Variants in DST observed in about 807,000 individuals in gnomAD.
The protein encoded by DST is dystonin.
In DST, 253 loss-of-function variants were observed where a neutral mutation model predicts 875.2. The observed-to-expected ratio is 0.29, with a 90% CI of 0.26 to 0.32. The LOEUF (loss-of-function observed/expected upper bound fraction) is 0.32, where lower values mean the gene tolerates loss of function less well. DST is among the 10% of genes least tolerant of loss of function. DST has a pLI of 1.00. For missense variants in DST, 8,287 were observed against 9,111.6 expected, an observed-to-expected ratio of 0.91 and a Z score of 3.68; for synonymous variants, 3,124 against 3,197.1, an observed-to-expected ratio of 0.98 and a Z score of 0.77.
rs1208363958 is a variant in DST, at chr6:56,607,921, C to T, written c.6707G>A (p.Gly2236Asp). ...GTTTCCATCAAATTCTGCATGACAG[C>T]CTTCCAGTAGCATGCCAACAGCCTC... Reference protein sequence around the residue: ...LDEAVGMLLEGCHAEFDGNTA... With the variant: ...LDEAVGMLLEDCHAEFDGNTA... Residue 2236 changes from glycine to aspartate, a missense_variant, in exon 40 of 104, where the codon GGC becomes GAC. Gly to Asp is a moderately conservative substitution (Grantham distance 94). Coordinates refer to ENST00000680361, the MANE Select transcript of DST (RefSeq NM_001374736.1). 6.2e-7 allele frequency: 1 copy of T among 1,613,642 alleles called. No homozygotes were observed. The highest frequency in any genetic ancestry group is 1.3e-5 in the African/African-American group (1 of 75,016).
intron 17 of DST, 126 bp from the exon 18 acceptor site, chr6:56,640,731 A>G: frequency 1.3e-6 from 1 of 767,662 alleles, no homozygotes; most frequent in Non-Finnish European, 2.2e-6. Flanking sequence ...AGTTTTAGCA[A>G]ATGTGCCACA....
intron 55 of DST, among the ~76,000 whole-genome samples, chr6:56,567,369 G>A (rs2097696246): frequency 6.8e-6 from 1 of 147,778 alleles, no homozygotes; most frequent in South Asian, 2.2e-4. Context: ...TCAGATGGAA[G>A]TGAAAATATC....
In DST at chr6:56,515,683, G is replaced by A; in HGVS notation, c.18358-15C>T. 1.3e-6 allele frequency: 2 copies of A among 1,565,668 alleles called. No homozygotes were observed. The highest frequency in any genetic ancestry group is 1.7e-6 in the Non-Finnish European group (2 of 1,153,284). On this transcript the variant is annotated splice_polypyrimidine_tract_variant and intron_variant, in intron 71 of 103. Coordinates refer to ENST00000680361, the MANE Select transcript of DST (RefSeq NM_001374736.1). ...TCCAGTTTTTTCTAGAAAATAAAAGGATGAAATGTTTAACTGGTCAGGCCA... is the reference window on the plus strand; with the variant it reads ...TCCAGTTTTTTCTAGAAAATAAAAGAATGAAATGTTTAACTGGTCAGGCCA...
chr6:56,508,098 G>A (rs529387429), intron 75 of DST, among the ~76,000 whole-genome samples: 4 of 152,240 alleles, frequency 2.6e-5, no homozygotes, highest in East Asian at 1.9e-4. Context: ...ATAGTGGCAC[G>A]ATCTTGGCTG....
chr6:56,895,861 A>C (rs1394692639), intron 3 of DST, among the ~76,000 whole-genome samples: 2 of 16,752 alleles, frequency 1.2e-4, no homozygotes, highest in Non-Finnish European at 2.1e-4. Context: ...CCAAAAAAAA[A>C]CGAAAACCAG....
In DST at chr6:56,932,576, C is replaced by T. The variant is rs1810909662; in HGVS notation, c.216+21209G>A. ...CTGAAGTTCAACTACTCTGTATTTT[C>T]TCAAATATGCCTGGTAACTCTAGTT... On this transcript the variant is annotated intron_variant, in intron 2 of 103. Coordinates refer to ENST00000680361, the MANE Select transcript of DST (RefSeq NM_001374736.1). Among the ~76,000 whole-genome samples the T allele has an allele frequency of 2.0e-5, 3 of 152,100 alleles. No homozygotes were observed. In the South Asian group the frequency reaches 6.2e-4, roughly 32 times the overall value.
chr6:56,769,129 G>A (rs537670322), intron 4 of DST, among the ~76,000 whole-genome samples: 1 of 152,120 alleles, frequency 6.6e-6, no homozygotes, highest in Non-Finnish European at 1.5e-5. Flanking sequence ...TTTAAAAGTG[G>A]GCAAAATATC....
intron 4 of DST, among the ~76,000 whole-genome samples, chr6:56,761,624 A>T (rs1331417251): frequency 6.6e-6 from 1 of 152,156 alleles, no homozygotes; most frequent in Non-Finnish European, 1.5e-5. Flanking sequence ...AACTTTTTAC[A>T]GATGCCCGGG....
intron 32 of DST, 72 bp from the exon 33 acceptor site, chr6:56,628,233 G>C (rs547781407): frequency 1.0e-5 from 14 of 1,363,216 alleles, no homozygotes; most frequent in Non-Finnish European, 2.1e-6. Context: ...TGTAGAGATG[G>C]GAGAGACAAA....
intron 10 of DST, among the ~76,000 whole-genome samples, chr6:56,669,178 T>C (rs965161128): frequency 1.3e-5 from 2 of 151,822 alleles, no homozygotes; most frequent in African/African-American, 4.8e-5. Context: ...ATCAAATAAA[T>C]TGGTTAGTTT....
chr6:56,539,178 T>C (rs193007734), intron 61 of DST, among the ~76,000 whole-genome samples: 339 of 152,296 alleles, frequency 2.2e-3, no homozygotes, highest in Non-Finnish European at 2.5e-3. Context: ...GGTCTTGGTT[T>C]TAAATTAATT....
At chr6:56,586,095 G>T (rs1433550261) in intron 49 of DST, among the ~76,000 whole-genome samples, 1 of 152,194 alleles carries the variant, frequency 6.6e-6, no homozygotes, top group Non-Finnish European at 1.5e-5. Context: ...GGAGAGTTCT[G>T]CAGATGTCTA....
rs537080223 is a variant in DST, at chr6:56,771,778, C to G, written c.626-36489G>C. Reference sequence around the variant, plus strand: ...AGCTCTCTGCAAGAATCTGATGAACCCTGTGGACTTTTCTTCTAAATGCAC... The same window carrying G: ...AGCTCTCTGCAAGAATCTGATGAACGCTGTGGACTTTTCTTCTAAATGCAC... On this transcript the variant is annotated intron_variant, in intron 4 of 103. Coordinates refer to ENST00000680361, the MANE Select transcript of DST (RefSeq NM_001374736.1). Among the ~76,000 whole-genome samples the G allele has an allele frequency of 2.4e-4, 37 of 152,256 alleles. No homozygotes were observed. In the East Asian group the frequency reaches 6.8e-3, roughly 28 times the overall value.
intron 10 of DST, among the ~76,000 whole-genome samples, chr6:56,659,556 C>T (rs2099027942): frequency 6.6e-6 from 1 of 152,168 alleles, no homozygotes; most frequent in African/African-American, 2.4e-5. Context: ...ATACAGAAGT[C>T]ACCCATGACC....
At chr6:56,937,535 G>A (rs1283786574) in intron 2 of DST, among the ~76,000 whole-genome samples, 1 of 152,088 alleles carries the variant, frequency 6.6e-6, no homozygotes, top group Non-Finnish European at 1.5e-5. Flanking sequence ...TCAAGATACT[G>A]GACCCCACAT....
At position 56,748,842 on chromosome 6, in the gene DST, T is replaced by C. The variant is rs182567712; in HGVS notation, c.626-13553A>G. Among the ~76,000 whole-genome samples the C allele has an allele frequency of 2.6e-5, 4 of 152,272 alleles. No homozygotes were observed. In the East Asian group the frequency reaches 5.8e-4, roughly 22 times the overall value. ...AAGAGGTAAGGGTGAATCAAACCCA[T>C]ACAGTCTCCAACATCAAGGAACTAG... On this transcript the variant is annotated intron_variant, in intron 4 of 103. Transcript: ENST00000680361.
chr6:56,528,815 AT>A (rs768973766), intron 67 of DST, 25 bp downstream of exon 67: 19 of 1,397,810 alleles, frequency 1.4e-5, no homozygotes, highest in Non-Finnish European at 1.8e-5. Context: ...TGACCACATG[AT>A]GATTTGATTT....
At chr6:56,584,109 G>GT (rs1205248102) in intron 49 of DST, among the ~76,000 whole-genome samples, 1 of 152,108 alleles carries the variant, frequency 6.6e-6, no homozygotes, top group Non-Finnish European at 1.5e-5. Context: ...CTTTAAAGTA[G>GT]TTTTTTCCAA....
chr6:56,586,857 G>T (rs112388520), intron 49 of DST, among the ~76,000 whole-genome samples: 1 of 152,164 alleles, frequency 6.6e-6, no homozygotes, highest in Admixed American at 6.5e-5. Context: ...AGTCCTGTCC[G>T]TTACAAGGAA....
Sources: allele counts gnomAD v4.1 joint callset (sites outside exome capture counted in the v4.1 genomes callset), GRCh38; gene constraint gnomAD v4.1.1; transcripts MANE v1.5; gene names NCBI Gene and HGNC (gene_info 2026-07-23, HGNC 2026-07-21).